Variants in PTPN11 observed in about 807,000 individuals in gnomAD.
PTPN11 encodes the protein tyrosine-protein phosphatase non-receptor type 11.
Under a neutral mutation model 78.8 loss-of-function variants are expected in PTPN11, and 6 were observed. That is an observed-to-expected ratio of 0.08 (90% confidence interval 0.04 to 0.15). The LOEUF is 0.15. Among genes scored for constraint, PTPN11 ranks in the 10% least tolerant of loss-of-function variants. The pLI, the probability that PTPN11 is intolerant of heterozygous loss-of-function variation, is 1.00. For synonymous variants in PTPN11, 221 were observed against 263.5 expected (o/e 0.84, Z 1.56); for missense variants, 386 against 744.8 (o/e 0.52, Z 5.61).
chr12:112,474,890 C>G (rs1413829658), intron 7 of PTPN11, among the ~76,000 whole-genome samples: 1 of 151,980 alleles, frequency 6.6e-6, no homozygotes, highest in African/African-American at 2.4e-5. Flanking sequence ...ATCGGCCTCC[C>G]AAAGTGTTGG....
intron 1 of PTPN11, among the ~76,000 whole-genome samples, chr12:112,432,243 G>A (rs185005358): frequency 8.5e-5 from 13 of 152,264 alleles, no homozygotes; most frequent in South Asian, 2.1e-4. Context: ...CTCTATGCCC[G>A]TCCAAACCAG....
chr12:112,439,810 A>T (rs966057109), intron 1 of PTPN11, among the ~76,000 whole-genome samples: 2 of 151,814 alleles, frequency 1.3e-5, no homozygotes, highest in Admixed American at 1.3e-4. Context: ...AACAAAAAAA[A>T]AAACCCAAAC....
intron 6 of PTPN11, 67 bp downstream of exon 6, chr12:112,456,130 T>C: frequency 9.2e-7 from 1 of 1,084,448 alleles, no homozygotes; most frequent in African/African-American, 1.6e-5. Context: ...GAGAAGTTGC[T>C]CTTGTGTTTG....
intron 9 of PTPN11, among the ~76,000 whole-genome samples, chr12:112,478,444 A>G (rs79477798): frequency 0.012 from 1,786 of 151,918 alleles, 24 homozygotes; most frequent in East Asian, 0.04. Context: ...ACCTTGTCCT[A>G]GGACAGCAGT....
chr12:112,482,454 G>T lies in PTPN11; in HGVS notation c.1224+249G>T, dbSNP rs1210169479. 5.3e-5 allele frequency among the ~76,000 whole-genome samples: 8 copies of T among 152,120 alleles called. No homozygotes were observed. The highest frequency in any genetic ancestry group is 1.2e-4 in the Non-Finnish European group (8 of 68,028). On this transcript the variant is annotated intron_variant, in intron 10 of 15. Transcript: ENST00000351677. This position sits in a 1 kb window ranked among gnomAD's most constrained non-coding sequence, Gnocchi z 4.4. ...TAGACAATTTAAAAACAAATAACTG[G>T]CCAGGCGCCGTGGCTCAGGCCTGTA...
intron 1 of PTPN11, among the ~76,000 whole-genome samples, chr12:112,442,832 A>T (rs1202194154): frequency 2.8e-3 from 43 of 15,616 alleles, no homozygotes; most frequent in African/African-American, 0.016. Context: ...CTCTCTTTTT[A>T]TATATATATA....
chr12:112,493,249 G>A (rs1411324015), intron 13 of PTPN11, among the ~76,000 whole-genome samples: 2 of 152,000 alleles, frequency 1.3e-5, no homozygotes, highest in Non-Finnish European at 2.9e-5. Context: ...AGTAGAGGTG[G>A]GGTTTCACTA....
chr12:112,466,046 A>G (rs543565908), intron 6 of PTPN11, among the ~76,000 whole-genome samples: 7 of 152,308 alleles, frequency 4.6e-5, no homozygotes, highest in Non-Finnish European at 7.3e-5. Context: ...GGAGCAGTGA[A>G]CAAATCAGTC....
chr12:112,500,072 C>T (rs1004332539), intron 13 of PTPN11, among the ~76,000 whole-genome samples: 11 of 152,028 alleles, frequency 7.2e-5, no homozygotes, highest in African/African-American at 1.7e-4. Context: ...GATGAAACCC[C>T]GTCTCTACTA....
At chr12:112,442,866 AT>A (rs2037926124) in intron 1 of PTPN11, among the ~76,000 whole-genome samples, 14 of 87,866 alleles carry the variant, frequency 1.6e-4, no homozygotes, top group South Asian at 3.5e-4. Context: ...ATATATATAT[AT>A]ATATATATAT....
At chr12:112,462,202 AAT>A (rs1466000413) in intron 6 of PTPN11, among the ~76,000 whole-genome samples, 9 of 152,262 alleles carry the variant, frequency 5.9e-5, no homozygotes, top group Non-Finnish European at 1.2e-4. Flanking sequence ...TACAAAAGAA[AAT>A]TAAAAATTAA....
intron 2 of PTPN11, among the ~76,000 whole-genome samples, chr12:112,447,989 A>G (rs2038020997): frequency 6.6e-6 from 1 of 151,550 alleles, no homozygotes; most frequent in Admixed American, 6.6e-5. Context: ...TTTTGTAGAG[A>G]CTAGGTTTTA....
At chr12:112,490,709 A>G (rs1286314730) in intron 13 of PTPN11, among the ~76,000 whole-genome samples, 1 of 152,166 alleles carries the variant, frequency 6.6e-6, no homozygotes, top group Non-Finnish European at 1.5e-5. Context: ...GGGTTTCCAA[A>G]GTGCTGGGAT....
At chr12:112,461,286 A>G (rs1262613151) in intron 6 of PTPN11, among the ~76,000 whole-genome samples, 1 of 149,704 alleles carries the variant, frequency 6.7e-6, no homozygotes, top group East Asian at 1.9e-4. Flanking sequence ...AAAGCTTTTC[A>G]TCGCCGAGGG....
At chr12:112,502,024 G>A (rs564807667) in intron 13 of PTPN11, 120 bp from the exon 14 acceptor site, 30 of 748,300 alleles carry the variant, frequency 4.0e-5, no homozygotes, top group African/African-American at 2.3e-4. Context: ...TTCTCAACCC[G>A]TCTATCAATT....
intron 3 of PTPN11, among the ~76,000 whole-genome samples, chr12:112,452,363 A>G (rs1278111455): frequency 6.6e-6 from 1 of 152,008 alleles, no homozygotes; most frequent in Non-Finnish European, 1.5e-5. Context: ...AGTAGCTGGG[A>G]TTACAGGCAC....
intron 1 of PTPN11, among the ~76,000 whole-genome samples, chr12:112,432,492 C>T (rs1474696326): frequency 6.6e-6 from 1 of 151,778 alleles, no homozygotes; most frequent in Non-Finnish European, 1.5e-5. Context: ...ATGGTGAAAC[C>T]CTGTCTCTGC....
At chr12:112,483,779 G>A (rs946574680) in intron 10 of PTPN11, among the ~76,000 whole-genome samples, 11 of 152,168 alleles carry the variant, frequency 7.2e-5, no homozygotes, top group African/African-American at 2.7e-4. Context: ...AGGCAGACAT[G>A]CAGGGATTCA....
chr12:112,456,082 G>A lies in PTPN11; in HGVS notation c.756+19G>A, dbSNP rs773935310. On this transcript the variant is annotated intron_variant, in intron 6 of 15. Coordinates refer to ENST00000351677, the MANE Select transcript of PTPN11 (RefSeq NM_002834.5). ...ATTTGAGGTAAGTTATTAAAAAACT[G>A]TTTTTACGTGAGTTGTTATATCCTA... The A allele has an allele frequency of 2.7e-6, 4 of 1,486,256 alleles. No homozygotes were observed. Among genetic ancestry groups the A allele is most frequent in the Non-Finnish European group, 1.9e-6 (2 of 1,064,590 alleles). The allele number at this position is 1,486,256 out of a possible 1,614,324, so 92.1% of individuals were successfully genotyped here.
Sources: gnomAD v4.1 joint callset for allele counts (sites outside exome capture counted in the v4.1 genomes callset) on GRCh38, gnomAD v4.1.1 for gene constraint, Gnocchi (gnomAD v3.1) non-coding constraint, MANE v1.5 for transcripts, NCBI Gene and HGNC (gene_info 2026-07-23, HGNC 2026-07-21) for gene names.